Variants in TMEM45A observed in about 807,000 individuals in gnomAD.
The protein encoded by TMEM45A is DNA polymerase-transactivated protein 4.
TMEM45A carries 25 observed loss-of-function variants against 32.0 expected under a neutral mutation model. That is an observed-to-expected ratio of 0.78 (90% CI 0.57 to 1.09). The LOEUF (loss-of-function observed/expected upper bound fraction) is 1.09, where lower values mean the gene tolerates loss of function less well. Ranked by LOEUF, TMEM45A falls within the 50% of genes least tolerant of loss-of-function variation. TMEM45A has a pLI of 0.00. For missense variants in TMEM45A, 302 were observed against 325.0 expected (o/e 0.93, Z 0.54); for synonymous variants, 122 against 114.8 (o/e 1.06, Z -0.40).
In TMEM45A at chr3:100,568,885, A is replaced by G. The variant is rs1286795005; in HGVS notation, c.652A>G (p.Ile218Val). 1.2e-6 allele frequency: 2 copies of G among 1,613,798 alleles called. No individual in the cohort carries two copies. The highest frequency in any genetic ancestry group is 1.7e-6 in the Non-Finnish European group (2 of 1,179,868). The change falls in exon 5 of 6, where the codon ATT becomes GTT. Residue 218 changes from isoleucine (I) to valine (V), a missense_variant. Physicochemically the swap from Ile to Val is conservative, Grantham distance 29. Coordinates refer to ENST00000323523, the MANE Select transcript of TMEM45A (RefSeq NM_018004.3). ...PAWDLMDHEN[I>V]LFLTICFCWH... ...ATGGGATCTGATGGATCATGAAAAT[A>G]TTTTGTTTCTCACCATATGCTTTTG...
At chr3:100,521,365 C>G (rs1260775864) in intron 1 of TMEM45A, among the ~76,000 whole-genome samples, 2 of 152,030 alleles carry the variant, frequency 1.3e-5, no homozygotes, top group African/African-American at 4.8e-5. Flanking sequence ...AGTGATTCTC[C>G]TGCCTCAGCT....
chr3:100,520,854 CAA>C (rs1380109716), intron 1 of TMEM45A, among the ~76,000 whole-genome samples: 1 of 152,088 alleles, frequency 6.6e-6, no homozygotes, highest in Admixed American at 6.5e-5. Context: ...GGTAGGAGAA[CAA>C]AGAGGAGCAA....
intron 1 of TMEM45A, among the ~76,000 whole-genome samples, chr3:100,495,526 T>C (rs1421423136): frequency 6.6e-6 from 1 of 152,122 alleles, no homozygotes; most frequent in East Asian, 1.9e-4. Context: ...ATAAATTACC[T>C]GATAAGGAAA....
chr3:100,550,768 T>C (rs1387091770), intron 1 of TMEM45A, among the ~76,000 whole-genome samples: 1 of 152,188 alleles, frequency 6.6e-6, no homozygotes, highest in Non-Finnish European at 1.5e-5. Flanking sequence ...GATAGAGTTT[T>C]AAAATGTTTC....
intron 1 of TMEM45A, among the ~76,000 whole-genome samples, chr3:100,515,271 A>G (rs1395031550): frequency 6.6e-6 from 1 of 152,022 alleles, no homozygotes; most frequent in African/African-American, 2.4e-5. Context: ...AATGTGGCAC[A>G]TATACACCAT....
intron 1 of TMEM45A, among the ~76,000 whole-genome samples, chr3:100,535,436 T>G (rs1283904810): frequency 6.6e-6 from 1 of 152,172 alleles, no homozygotes; most frequent in African/African-American, 2.4e-5. Context: ...TTCTGTTGGC[T>G]TTTCCCCTCC....
chr3:100,519,890 T>C (rs532937596), intron 1 of TMEM45A, among the ~76,000 whole-genome samples: 1 of 152,362 alleles, frequency 6.6e-6, no homozygotes, highest in Admixed American at 6.5e-5. Flanking sequence ...TCTTGATTTC[T>C]GTAGCATTTT....
At chr3:100,515,489 GA>G (rs1247196974) in intron 1 of TMEM45A, among the ~76,000 whole-genome samples, 2 of 104,194 alleles carry the variant, frequency 1.9e-5, no homozygotes, top group African/African-American at 3.8e-5. Context: ...GGGGTGGGGG[GA>G]GGGGGGAGGG....
intron 1 of TMEM45A, among the ~76,000 whole-genome samples, chr3:100,544,240 A>G (rs1441579628): frequency 2.0e-5 from 3 of 152,178 alleles, no homozygotes; most frequent in African/African-American, 7.2e-5. Context: ...CCTATCCCCT[A>G]GATGTGAGTC....
intron 1 of TMEM45A, among the ~76,000 whole-genome samples, chr3:100,499,591 C>A (rs1707982851): frequency 6.6e-6 from 1 of 152,126 alleles, no homozygotes; most frequent in African/African-American, 2.4e-5. Flanking sequence ...AAATTCTGTA[C>A]TTGGATCAGG....
At chr3:100,569,403 C>T (rs1706511872) in intron 5 of TMEM45A, among the ~76,000 whole-genome samples, 1 of 152,098 alleles carries the variant, frequency 6.6e-6, no homozygotes, top group South Asian at 2.1e-4. Context: ...TAGGTGTCTG[C>T]CTAATTTGAC....
Position 100,547,254 on chromosome 3 carries a change from T to A in TMEM45A, c.-3-7955T>A, listed in dbSNP as rs566786707. Among the ~76,000 whole-genome samples the A allele has an allele frequency of 6.6e-5, 10 of 152,220 alleles. No homozygotes were observed. In the East Asian group the frequency reaches 1.9e-3, roughly 29 times the overall value. ...TTCCTGCCTCAGCCTCCTGAGTAGC[T>A]GGGATTACAGGTGTGTGTCATCACG... On this transcript the variant is annotated intron_variant, in intron 1 of 5. Transcript: ENST00000323523.
chr3:100,535,604 A>G (rs1329614951), intron 1 of TMEM45A, among the ~76,000 whole-genome samples: 2 of 152,206 alleles, frequency 1.3e-5, no homozygotes, highest in Non-Finnish European at 1.5e-5. Context: ...TCTTTCAAAA[A>G]GGGGAGATAT....
intron 1 of TMEM45A, among the ~76,000 whole-genome samples, chr3:100,493,544 T>C (rs945416492): frequency 3.9e-5 from 6 of 151,922 alleles, no homozygotes; most frequent in African/African-American, 1.5e-4. Context: ...CAAACAAACA[T>C]GTGACAGACC....
chr3:100,576,685 G>A (rs1370165712), intron 5 of TMEM45A, among the ~76,000 whole-genome samples: 2 of 152,068 alleles, frequency 1.3e-5, no homozygotes, highest in African/African-American at 4.8e-5. Context: ...TATCTTCTGA[G>A]GCCTAATTAA....
In TMEM45A at chr3:100,556,761, C is replaced by T. The variant is rs1395414749; in HGVS notation, c.192C>T (p.Gly64=). The T allele has an allele frequency of 6.2e-7, 1 of 1,611,886 alleles. No individual in the cohort carries two copies. Among genetic ancestry groups the T allele is most frequent in the Admixed American group, 1.7e-5 (1 of 59,614 alleles). ...GITIVGMALT[G]MAGEQFIPGG... The stretch of plus-strand genomic sequence containing the variant: ...AAACTGTGATATGTTTCTTGGCAGG[C>T]ATGGCTGGGGAGCAGTTTATTCCTG... Residue 64 remains glycine, a splice_region_variant and synonymous_variant, in exon 3 of 6, where the codon GGC becomes GGT. Transcript: ENST00000323523.
chr3:100,563,471 G>C (rs7432653), intron 4 of TMEM45A, among the ~76,000 whole-genome samples: 49,450 of 152,020 alleles, frequency 0.33, 9,026 homozygotes, highest in African/African-American at 0.47. Flanking sequence ...TTCCCAGATC[G>C]CAGGTCATGT....
intron 1 of TMEM45A, among the ~76,000 whole-genome samples, chr3:100,534,094 T>C (rs923880100): frequency 1.3e-5 from 2 of 152,208 alleles, no homozygotes; most frequent in African/African-American, 4.8e-5. Context: ...CCTGAGTCTA[T>C]AGAGATTCCT....
At chr3:100,519,472 G>A (rs1024665932) in intron 1 of TMEM45A, 8 of 1,259,522 alleles carry the variant, frequency 6.4e-6, no homozygotes, top group Admixed American at 2.2e-5. Context: ...AAACTTTTCA[G>A]CATTACCTAA....
Sources: gnomAD v4.1 joint callset for allele counts (sites outside exome capture counted in the v4.1 genomes callset) on GRCh38, gnomAD v4.1.1 for gene constraint, MANE v1.5 for transcripts, NCBI Gene and HGNC (gene_info 2026-07-23, HGNC 2026-07-21) for gene names.